The following GLIS3 variants were observed in gnomAD, a reference collection of about 807,000 sequenced individuals.
GLIS3 encodes GLIS family zinc finger 3.
A neutral mutation model predicts 78.6 loss-of-function variants in GLIS3; 53 were observed. The observed-to-expected ratio is 0.67, with a 90% CI of 0.54 to 0.85. The LOEUF (loss-of-function observed/expected upper bound fraction) is 0.85. GLIS3 is among the 40% of genes least tolerant of loss of function. GLIS3 has a pLI of 0.00. For missense variants in GLIS3, 1,703 were observed against 1,231.1 expected (o/e 1.38, Z -5.74); for synonymous variants, 684 against 509.9 (o/e 1.34, Z -4.60).
upstream of GLIS3, among the ~76,000 whole-genome samples, chr9:4,302,519 T>A (rs1817116743): frequency 6.6e-6 from 1 of 152,232 alleles, no homozygotes; most frequent in African/African-American, 2.4e-5. Flanking sequence ...AGTGTCTTAG[T>A]TGTAGCAAAC....
intron 2 of GLIS3, among the ~76,000 whole-genome samples, chr9:4,218,043 A>G (rs1821004409): frequency 6.6e-6 from 1 of 152,214 alleles, no homozygotes; most frequent in Admixed American, 6.5e-5. Flanking sequence ...AAGAGATAGC[A>G]TAATATGTCC....
At chr9:4,189,916 C>T (rs890761926) in intron 2 of GLIS3, among the ~76,000 whole-genome samples, 20 of 152,006 alleles carry the variant, frequency 1.3e-4, no homozygotes, top group Non-Finnish European at 1.9e-4. Flanking sequence ...GATACCCAGG[C>T]AAACAGCGTC....
At chr9:4,473,460 C>CA in the GLIS3 span, among the ~76,000 whole-genome samples, 2,474 of 131,310 alleles carry the variant, frequency 0.019, 94 homozygotes, top group African/African-American at 0.062. Flanking sequence ...ACAACAACAA[C>CA]AAAAAAAAAG....
chr9:3,847,826 T>G (rs536368791), intron 9 of GLIS3, among the ~76,000 whole-genome samples: 5 of 152,340 alleles, frequency 3.3e-5, no homozygotes, highest in African/African-American at 2.4e-5. Flanking sequence ...TTTGTAGTAA[T>G]TAAGTATATG....
the GLIS3 span, among the ~76,000 whole-genome samples, chr9:4,419,264 G>A: frequency 1.4e-4 from 22 of 152,238 alleles, no homozygotes; most frequent in South Asian, 4.6e-3. Context: ...TGAACAAAAA[G>A]CACGAGCCAC....
At chr9:4,314,641 C>T (rs1817412426) in intron 2 of GLIS3, among the ~76,000 whole-genome samples, 1 of 152,196 alleles carries the variant, frequency 6.6e-6, no homozygotes, top group Non-Finnish European at 1.5e-5. Flanking sequence ...TTCCAAGATG[C>T]TTCCACTAGC....
intron 2 of GLIS3, among the ~76,000 whole-genome samples, chr9:4,191,937 G>T (rs1485243428): frequency 6.6e-6 from 1 of 152,014 alleles, no homozygotes; most frequent in Non-Finnish European, 1.5e-5. Context: ...CCAAAATTTT[G>T]TTAAAGGAGG....
At chr9:4,318,010 T>C (rs1052038937) in intron 2 of GLIS3, among the ~76,000 whole-genome samples, 6 of 152,170 alleles carry the variant, frequency 3.9e-5, no homozygotes, top group Non-Finnish European at 8.8e-5. Context: ...AAAGAACATG[T>C]GTATAATGTC....
chr9:4,461,107 A>C, the GLIS3 span, among the ~76,000 whole-genome samples: 30 of 152,186 alleles, frequency 2.0e-4, no homozygotes, highest in African/African-American at 5.8e-4. Context: ...TGAATATGTC[A>C]CTCTTTTTCT....
At chr9:3,838,910 A>G (rs950651588) in intron 9 of GLIS3, among the ~76,000 whole-genome samples, 7 of 152,158 alleles carry the variant, frequency 4.6e-5, no homozygotes, top group African/African-American at 1.7e-4. Flanking sequence ...TGAGAAAAAA[A>G]GAACACACAG....
intron 8 of GLIS3, among the ~76,000 whole-genome samples, chr9:3,877,273 G>T (rs1361468485): frequency 6.6e-6 from 1 of 152,136 alleles, no homozygotes; most frequent in East Asian, 1.9e-4. Context: ...TAATTTATAG[G>T]AATATATCAG....
the GLIS3 span, among the ~76,000 whole-genome samples, chr9:4,475,422 G>A: frequency 6.6e-6 from 1 of 152,138 alleles, no homozygotes; most frequent in Admixed American, 6.5e-5. Flanking sequence ...GTTTACCAGA[G>A]CATTCTTGAG....
chr9:3,898,412 G>A (rs1338601264), intron 7 of GLIS3: 1 of 460,452 alleles, frequency 2.2e-6, no homozygotes, highest in Non-Finnish European at 4.0e-6. Flanking sequence ...GTGAGTAAAT[G>A]TAACATAACT....
chr9:4,036,996 TG>T, intron 4 of GLIS3, among the ~76,000 whole-genome samples: 1 of 152,280 alleles, frequency 6.6e-6, no homozygotes, highest in African/African-American at 2.4e-5. Context: ...GAGCCAGAGC[TG>T]AAGACAGGGG....
intron 7 of GLIS3, among the ~76,000 whole-genome samples, chr9:3,890,366 G>A (rs1253814983): frequency 2.6e-5 from 4 of 152,118 alleles, no homozygotes; most frequent in Admixed American, 6.6e-5. Context: ...TGGAAGGAAC[G>A]CTTTATGTCA....
chr9:4,321,421 CAAAAAAAAAAAAAAAAAAAAAAAA>C (rs35583742), intron 2 of GLIS3, among the ~76,000 whole-genome samples: 163 of 16,298 alleles, frequency 0.01, 5 homozygotes, highest in African/African-American at 0.038. Context: ...GACTCCGTCT[CAAAAAAAAAAAAAAAAAAAAAAAA>C]AAAAAAAAAA....
chr9:3,840,739 T>G (rs1007526078), intron 9 of GLIS3, among the ~76,000 whole-genome samples: 1 of 152,184 alleles, frequency 6.6e-6, no homozygotes. Context: ...GGCTTCTAAT[T>G]AGAAAAGTCC....
intron 2 of GLIS3, among the ~76,000 whole-genome samples, chr9:4,238,253 C>G (rs926144773): frequency 3.3e-5 from 5 of 151,666 alleles, no homozygotes; most frequent in South Asian, 2.1e-4. Context: ...GGGAGGTGAT[C>G]TCTTAATAGA....
chr9:4,021,722 G>C (rs963932615), intron 4 of GLIS3, among the ~76,000 whole-genome samples: 1 of 152,136 alleles, frequency 6.6e-6, no homozygotes, highest in Admixed American at 6.5e-5. Flanking sequence ...CCTTGAGCTA[G>C]CTCTAAGAAG....
Sources: allele counts gnomAD v4.1 joint callset (sites outside exome capture counted in the v4.1 genomes callset), GRCh38; gene constraint gnomAD v4.1.1; transcripts MANE v1.5; gene names NCBI Gene and HGNC (gene_info 2026-07-23, HGNC 2026-07-21).